Variants in NTNG1 observed in about 807,000 individuals in gnomAD.
The protein encoded by NTNG1 is netrin-G1.
In NTNG1, 16 loss-of-function variants were observed where a neutral mutation model predicts 54.0. That is an observed-to-expected ratio of 0.30 (90% CI 0.20 to 0.45). NTNG1 has a LOEUF of 0.45. Among genes scored for constraint, NTNG1 ranks in the 20% least tolerant of loss-of-function variants. The pLI, the probability that NTNG1 is intolerant of heterozygous loss-of-function variation, is 1.00. For synonymous variants in NTNG1, 255 were observed against 263.1 expected (o/e 0.97, Z 0.30); for missense variants, 530 against 678.7 (o/e 0.78, Z 2.43).
intron 2 of NTNG1, among the ~76,000 whole-genome samples, chr1:107,196,738 A>G (rs1658363697): frequency 6.6e-6 from 1 of 152,042 alleles, no homozygotes; most frequent in Non-Finnish European, 1.5e-5. Flanking sequence ...TATGTTGGGT[A>G]GAAAAGAAGA....
rs1665600987 is a variant in NTNG1 at position 107,291,474 on chromosome 1, T to G, written c.247-32808T>G. On this transcript the variant is annotated intron_variant, in intron 2 of 7. Transcript: ENST00000370068. ...GTGTCGTTCAAGGATCAACTGTACA[T>G]GTACATATGTATATGTAAATATATG... Among the ~76,000 whole-genome samples, 3 of 152,310 alleles carry G rather than the reference T, an allele frequency of 2.0e-5. No homozygotes were observed. The South Asian group carries it at 6.2e-4, about 32-fold the overall frequency.
At chr1:107,387,200 G>A (rs1209793644) in intron 3 of NTNG1, among the ~76,000 whole-genome samples, 5 of 152,154 alleles carry the variant, frequency 3.3e-5, no homozygotes, top group Non-Finnish European at 7.3e-5. Flanking sequence ...AAATTGTTCA[G>A]TTATTGTATG....
intron 2 of NTNG1, among the ~76,000 whole-genome samples, chr1:107,184,438 G>C (rs1190942146): frequency 6.6e-6 from 1 of 152,070 alleles, no homozygotes; most frequent in African/African-American, 2.4e-5. Context: ...TAAATGGCCG[G>C]TTGTTGCCAC....
At chr1:107,226,663 T>C (rs996191884) in intron 2 of NTNG1, among the ~76,000 whole-genome samples, 4 of 152,060 alleles carry the variant, frequency 2.6e-5, no homozygotes, top group Non-Finnish European at 5.9e-5. Context: ...ACAAACAATA[T>C]CTCTTTGACT....
chr1:107,396,347 C>T (rs955856056), intron 4 of NTNG1, among the ~76,000 whole-genome samples: 3 of 151,976 alleles, frequency 2.0e-5, no homozygotes, highest in South Asian at 2.1e-4. Flanking sequence ...TCAAGTTAAA[C>T]GTAAGAGTAA....
In NTNG1 at chr1:107,324,875, C is replaced by T. The variant is rs1667858940; in HGVS notation, c.840C>T (p.His280=). 1.9e-6 allele frequency: 3 copies of T among 1,613,288 alleles called. No individual in the cohort carries two copies. The highest frequency in any genetic ancestry group is 2.5e-6 in the Non-Finnish European group (3 of 1,179,538). The change falls in exon 3 of 8, where the codon CAC becomes CAT. Residue 280 remains histidine, a synonymous_variant. Coordinates refer to ENST00000370068, the MANE Select transcript of NTNG1 (RefSeq NM_001113226.3). ...AVGEIFVDEL[H]LARYFYAISD... ...GGGAAATATTTGTAGATGAGCTACA[C>T]TTGGCACGCTACTTTTACGCGATCT...
At chr1:107,338,030 A>G (rs1668690391) in intron 3 of NTNG1, among the ~76,000 whole-genome samples, 2 of 152,024 alleles carry the variant, frequency 1.3e-5, no homozygotes, top group South Asian at 4.1e-4. Context: ...TTTATTTCAT[A>G]CTGTAGGTAA....
chr1:107,323,715 CGTT>C (rs1403635908), intron 2 of NTNG1, among the ~76,000 whole-genome samples: 1 of 151,942 alleles, frequency 6.6e-6, no homozygotes, highest in African/African-American at 2.4e-5. Context: ...ACAAAGTAAA[CGTT>C]GTAAAACCAG....
chr1:107,447,408 G>T (rs1421100171), intron 7 of NTNG1, among the ~76,000 whole-genome samples: 2 of 152,076 alleles, frequency 1.3e-5, no homozygotes, highest in Non-Finnish European at 2.9e-5. Context: ...ATTCTCTATG[G>T]TGTTGCTGGT....
At chr1:107,220,692 C>A (rs1297149338) in intron 2 of NTNG1, among the ~76,000 whole-genome samples, 1 of 152,194 alleles carries the variant, frequency 6.6e-6, no homozygotes, top group African/African-American at 2.4e-5. Context: ...TGAACATTAA[C>A]TGATTTAAAG....
chr1:107,227,166 C>T (rs4431870), intron 2 of NTNG1, among the ~76,000 whole-genome samples: 8,065 of 152,152 alleles, frequency 0.053, 279 homozygotes, highest in Middle Eastern at 0.095. Context: ...TGTTTGCCTA[C>T]GTTTCCTCAT....
At chr1:107,203,878 C>T (rs1265815380) in intron 2 of NTNG1, among the ~76,000 whole-genome samples, 2 of 151,664 alleles carry the variant, frequency 1.3e-5, no homozygotes, top group Non-Finnish European at 1.5e-5. Flanking sequence ...GTGAATTTAT[C>T]AATACTACAT....
intron 2 of NTNG1, among the ~76,000 whole-genome samples, chr1:107,179,824 G>A (rs546448473): frequency 6.6e-6 from 1 of 152,038 alleles, no homozygotes; most frequent in East Asian, 1.9e-4. Flanking sequence ...TTCCCTTAGG[G>A]TGAGCTTTTC....
intron 2 of NTNG1, among the ~76,000 whole-genome samples, chr1:107,316,532 T>C (rs547993703): frequency 3.0e-4 from 45 of 152,308 alleles, no homozygotes; most frequent in Non-Finnish European, 5.4e-4. Context: ...ATCTGCCCCA[T>C]GCATGAAATG....
intron 2 of NTNG1, among the ~76,000 whole-genome samples, chr1:107,187,634 C>T (rs1472584912): frequency 6.6e-6 from 1 of 152,158 alleles, no homozygotes; most frequent in African/African-American, 2.4e-5. Context: ...GGGTTCAGAG[C>T]ACAGCTGTTA....
chr1:107,413,968 A>AT (rs1313882083), intron 5 of NTNG1, among the ~76,000 whole-genome samples: 1 of 152,210 alleles, frequency 6.6e-6, no homozygotes, highest in East Asian at 1.9e-4. Flanking sequence ...GGAAAGTTAC[A>AT]TTTTACAATG....
At chr1:107,355,773 A>C (rs895536033) in intron 3 of NTNG1, among the ~76,000 whole-genome samples, 1 of 152,080 alleles carries the variant, frequency 6.6e-6, no homozygotes, top group African/African-American at 2.4e-5. Context: ...TCTTTGATGC[A>C]ATGGCATCAG....
At chr1:107,193,862 T>C (rs1221386874) in intron 2 of NTNG1, among the ~76,000 whole-genome samples, 1 of 151,814 alleles carries the variant, frequency 6.6e-6, no homozygotes, top group African/African-American at 2.4e-5. Flanking sequence ...TTCTTCCTTT[T>C]GAGTGAGTAA....
intron 2 of NTNG1, among the ~76,000 whole-genome samples, chr1:107,192,651 T>A (rs971993435): frequency 6.6e-6 from 1 of 152,086 alleles, no homozygotes; most frequent in Admixed American, 6.6e-5. Context: ...CCTATCTTGA[T>A]TTTTTGTATT....
Sources: gnomAD v4.1 joint callset for allele counts (sites outside exome capture counted in the v4.1 genomes callset) on GRCh38, gnomAD v4.1.1 for gene constraint, MANE v1.5 for transcripts, NCBI Gene and HGNC (gene_info 2026-07-23, HGNC 2026-07-21) for gene names.